Variants in DMKN observed in about 807,000 individuals in gnomAD.
DMKN encodes the protein dermokine.
In DMKN, 58 loss-of-function variants were observed where a neutral mutation model predicts 67.6. That is an observed-to-expected ratio of 0.86 (90% CI 0.69 to 1.07). The LOEUF (loss-of-function observed/expected upper bound fraction) is 1.07. DMKN is among the 50% of genes least tolerant of loss of function. The probability of loss-of-function intolerance (pLI) is 0.00; values close to 1 mark genes in which losing one functional copy is unlikely to be tolerated. For synonymous variants in DMKN, 240 were observed against 232.3 expected (o/e 1.03, Z -0.30); for missense variants, 596 against 601.5 (o/e 0.99, Z 0.10).
intron 7 of DMKN, chr19:35,507,457 C>A: frequency 6.4e-7 from 1 of 1,551,362 alleles, no homozygotes; most frequent in Non-Finnish European, 8.7e-7. Context: ...CCTAGGCTCA[C>A]CCTATAATTG....
At chr19:35,511,962 T>A in intron 3 of DMKN, 149 bp from the exon 4 acceptor site, 4 of 672,538 alleles carry the variant, frequency 5.9e-6, no homozygotes, top group African/African-American at 1.9e-5. Flanking sequence ...CCCATCTGCC[T>A]CCTCCCCAGG....
At chr19:35,507,392 C>T in intron 7 of DMKN, 1 of 1,464,722 alleles carries the variant, frequency 6.8e-7, no homozygotes, top group Non-Finnish European at 9.3e-7. Flanking sequence ...TGTTTCTTTT[C>T]CCAGGATCTT....
rs772510337 is a variant in DMKN, at chr19:35,512,748, G to T, written c.469C>A (p.Leu157Ile). 1.2e-6 allele frequency: 2 copies of T among 1,614,054 alleles called. No homozygotes were observed. Among genetic ancestry groups the T allele is most frequent in the South Asian group, 2.2e-5 (2 of 91,088 alleles). Reference protein sequence around the residue: ...GHGIFGSQGGLGGQGQGNPGG... With the variant: ...GHGIFGSQGGIGGQGQGNPGG... Reference sequence around the variant, plus strand: ...GGATTGCCCTGGCCCTGGCCTCCAAGGCCACCTTGAGAGCCAAAGATGCCA... The same window carrying T: ...GGATTGCCCTGGCCCTGGCCTCCAATGCCACCTTGAGAGCCAAAGATGCCA... Residue 157 changes from leucine to isoleucine, a missense_variant, in exon 2 of 16, where the codon CTT becomes ATT. Leu to Ile is a conservative substitution (Grantham distance 5, BLOSUM62 2). Transcript: ENST00000339686.
In DMKN at chr19:35,513,316, C is replaced by T; in HGVS notation, c.160G>A (p.Ala54Thr). Residue 54 changes from alanine to threonine, a missense_variant, in exon 1 of 16, where the codon GCC (alanine) becomes ACC (threonine). By Grantham distance (58) the Ala-to-Thr change is moderately conservative. Coordinates refer to ENST00000339686, the MANE Select transcript of DMKN (RefSeq NM_033317.5). Reference sequence around the variant, plus strand: ...GCCCCTCCGGCCTCTTTGCCAATGGCCTTTCCCACCCCTTCGCTCAGGGCG... The same window carrying T: ...GCCCCTCCGGCCTCTTTGCCAATGGTCTTTCCCACCCCTTCGCTCAGGGCG... ...GDALSEGVGK[A>T]IGKEAGGAAG... The T allele has an allele frequency of 1.2e-6, 2 of 1,614,182 alleles. No individual in the cohort carries two copies. The highest frequency in any genetic ancestry group is 1.6e-4 in the Middle Eastern group (1 of 6,062).
In DMKN at chr19:35,506,565, G is replaced by A. The variant is rs1248580348; in HGVS notation, c.1039-579C>T. 1.5e-5 allele frequency: 7 copies of A among 476,728 alleles called. No homozygotes were observed. The East Asian group carries it at 1.9e-4, about 13-fold the overall frequency. The allele number at this position is 476,728 out of a possible 1,614,324, so 29.5% of individuals were successfully genotyped here. A position where few individuals can be genotyped will look rare whatever the true frequency, so the allele number is the denominator to read the frequency against. On this transcript the variant is annotated intron_variant, in intron 7 of 15. Transcript: ENST00000339686. ...CTCCACAACACCTTGGTCTGGTGGT[G>A]ACATGGAAAGCTGTACAGTAACTGA...
In DMKN at chr19:35,507,227, C is replaced by T. The variant is rs2069730906; in HGVS notation, c.1039-1241G>A. The T allele has an allele frequency of 8.7e-6, 4 of 458,666 alleles. No homozygotes were observed. In the South Asian group the frequency reaches 1.5e-4, roughly 17 times the overall value. The allele number at this position is 458,666 out of a possible 1,614,324, so 28.4% of individuals were successfully genotyped here. On this transcript the variant is annotated intron_variant, in intron 7 of 15. Coordinates refer to ENST00000339686, the MANE Select transcript of DMKN (RefSeq NM_033317.5). Reference sequence around the variant, plus strand: ...TTCTGTTACTTTTATCTGTTTTCTCCCCTTACAAAAGTAACATGGCTCCGA... The same window carrying T: ...TTCTGTTACTTTTATCTGTTTTCTCTCCTTACAAAAGTAACATGGCTCCGA...
intron 9 of DMKN, 145 bp from the exon 10 acceptor site, chr19:35,503,031 C>T (rs2068699038): frequency 2.0e-6 from 2 of 995,660 alleles, no homozygotes; most frequent in South Asian, 3.5e-5. Context: ...TTTAGGGACA[C>T]CAGGAAACCA....
Position 35,513,555 on chromosome 19 carries a change from G to A in DMKN, c.-80C>T. Reference sequence around the variant, plus strand: ...CTTGCCGCCCTTGCTCTGCGTCTCTGTGCCCTCCTCTGTCCTCCTCCTTCC... The same window carrying A: ...CTTGCCGCCCTTGCTCTGCGTCTCTATGCCCTCCTCTGTCCTCCTCCTTCC... On this transcript the variant is annotated 5_prime_UTR_variant, in exon 1 of 16. Transcript: ENST00000339686. The A allele has an allele frequency of 1.3e-6, 2 of 1,497,762 alleles. No individual in the cohort carries two copies. Among genetic ancestry groups the A allele is most frequent in the South Asian group, 1.3e-5 (1 of 74,748 alleles). The allele number at this position is 1,497,762 out of a possible 1,614,324, so 92.8% of individuals were successfully genotyped here.
Position 35,502,187 on chromosome 19 carries a change from C to A in DMKN, c.1192-4G>T. 2 of 1,614,016 alleles carry A rather than the reference C, an allele frequency of 1.2e-6. No individual in the cohort carries two copies. The highest frequency in any genetic ancestry group is 1.7e-4 in the Middle Eastern group (1 of 6,022). The stretch of plus-strand genomic sequence containing the variant: ...AAGGAGTGTTCTGTTTGAAATCCTG[C>A]AGGGAGAAGGAGGGCAGAGTGGGCC... On this transcript the variant is annotated splice_polypyrimidine_tract_variant and splice_region_variant and intron_variant, in intron 10 of 15. Coordinates refer to ENST00000339686, the MANE Select transcript of DMKN (RefSeq NM_033317.5).
intron 7 of DMKN, among the ~76,000 whole-genome samples, chr19:35,509,290 T>C (rs1477055304): frequency 6.6e-6 from 1 of 152,024 alleles, no homozygotes; most frequent in African/African-American, 2.4e-5. Context: ...AAAAAACCAG[T>C]TTGTTCCCAT....
chr19:35,501,820 C>T (rs766498249), intron 11 of DMKN: 167 of 1,567,340 alleles, frequency 1.1e-4, no homozygotes, highest in Non-Finnish European at 1.4e-4. Context: ...CTGCGGTACC[C>T]ACCCAGCCGT....
chr19:35,500,519 G>A lies in DMKN; in HGVS notation c.1287+14C>T, dbSNP rs369555493. On this transcript the variant is annotated intron_variant, in intron 12 of 15. Coordinates refer to ENST00000339686, the MANE Select transcript of DMKN (RefSeq NM_033317.5). ...CCAAGGGCCCTGCAGGGTAACTTGA[G>A]GACAGAGACTCACCTGATCGTCTCT... is the stretch of plus-strand genomic sequence containing the variant. 5.6e-6 allele frequency: 9 copies of A among 1,608,916 alleles called. No homozygotes were observed. In the African/African-American group the frequency reaches 1.1e-4, roughly 19 times the overall value.
chr19:35,502,125 G>GCCC lies in DMKN; in HGVS notation c.1239+8_1239+10dup. ...CTGTGTCCCAGAGCTGAGAAGTCCT[G>GCCC]CCCCCCTTACCTCAATAATTGCTTT... On this transcript the variant is annotated intron_variant, in intron 11 of 15. Transcript: ENST00000339686. 2 of 1,614,140 alleles carry GCCC rather than the reference G, an allele frequency of 1.2e-6. No homozygotes were observed. The highest frequency in any genetic ancestry group is 1.7e-6 in the Non-Finnish European group (2 of 1,180,024).
At chr19:35,502,438 G>A (rs1009591661) in intron 10 of DMKN, among the ~76,000 whole-genome samples, 2 of 152,128 alleles carry the variant, frequency 1.3e-5, no homozygotes, top group East Asian at 1.9e-4. Flanking sequence ...GGTGGCTCAC[G>A]CCTGTAATCC....
At chr19:35,498,840 T>C (rs748931721) in intron 14 of DMKN, 34 bp downstream of exon 14, 1 of 1,614,054 alleles carries the variant, frequency 6.2e-7, no homozygotes, top group Non-Finnish European at 8.5e-7. Context: ...CCCTTCTCTC[T>C]CCAGCCAGAT....
chr19:35,513,291 GC>G lies in DMKN; in HGVS notation c.184del (p.Ala62GlnfsTer30). 6.2e-7 allele frequency: 1 copy of G among 1,613,946 alleles called. No homozygotes were observed. The highest frequency in any genetic ancestry group is 8.5e-7 in the Non-Finnish European group (1 of 1,179,878). On this transcript the variant is annotated frameshift_variant, in exon 1 of 16. Coordinates refer to ENST00000339686, the MANE Select transcript of DMKN (RefSeq NM_033317.5). LOFTEE classifies it high-confidence loss of function. ...GGCCTCACTGACTTTAGAGCCAGCT[GC>G]CCCTCCGGCCTCTTTGCCAATGGCC... ...GKAIGKEAGG[A>X]AGSKVSEALG...
At position 35,511,573 on chromosome 19, in the gene DMKN, C is replaced by A. The variant is rs566531366; in HGVS notation, c.756G>T (p.Ser252=). 1.2e-6 allele frequency: 2 copies of A among 1,601,368 alleles called. No individual in the cohort carries two copies. The highest frequency in any genetic ancestry group is 1.7e-6 in the Non-Finnish European group (2 of 1,176,634). ...SNSGGGSGSQ[S]GSSGSGSNGD... is the part of the protein sequence containing the mutation. ...CATTGCTGCCACTGCCACTGCTGCC[C>A]GACTGTGAGCCGCTGCCTCCCTGAG... The change falls in exon 5 of 16, where the codon TCG becomes TCT. Residue 252 remains serine, a synonymous_variant. Coordinates refer to ENST00000339686, the MANE Select transcript of DMKN (RefSeq NM_033317.5).
chr19:35,499,789 G>A (rs2068042039), intron 13 of DMKN, 169 bp downstream of exon 13: 2 of 648,866 alleles, frequency 3.1e-6, no homozygotes, highest in Non-Finnish European at 2.6e-6. Context: ...CTTCCAAACT[G>A]TCTCAGGGAA....
At chr19:35,507,360 T>C in intron 7 of DMKN, 2 of 1,248,304 alleles carry the variant, frequency 1.6e-6, no homozygotes, top group Non-Finnish European at 2.3e-6. Flanking sequence ...CAGAGCAGCT[T>C]GCAAGAAGAA....
Sources: allele counts gnomAD v4.1 joint callset (sites outside exome capture counted in the v4.1 genomes callset), GRCh38; gene constraint gnomAD v4.1.1; transcripts MANE v1.5; gene names NCBI Gene and HGNC (gene_info 2026-07-23, HGNC 2026-07-21).